Variants in RALYL observed in about 807,000 individuals in gnomAD.
The protein encoded by RALYL is RALY RNA binding protein like, also known as RNA-binding Raly-like protein.
A neutral mutation model predicts 35.1 loss-of-function variants in RALYL; 29 were observed. The ratio of observed to expected loss-of-function variants is 0.83; its 90% CI spans 0.61 to 1.13. RALYL has a LOEUF of 1.13. Ranked by LOEUF, RALYL falls within the 50% of genes most tolerant of loss-of-function variation. The pLI, the probability that RALYL is intolerant of heterozygous loss-of-function variation, is 0.00. For missense variants in RALYL, 359 were observed against 360.4 expected (o/e 1.00, Z 0.03); for synonymous variants, 120 against 127.6 (o/e 0.94, Z 0.40).
At chr8:84,907,405 GA>G (rs1563846465) in intron 8 of RALYL, among the ~76,000 whole-genome samples, 1 of 151,564 alleles carries the variant, frequency 6.6e-6, no homozygotes, top group African/African-American at 2.4e-5. Context: ...GAAACGGAAA[GA>G]AAACAATACT....
chr8:84,877,116 G>C (rs1223673507), intron 7 of RALYL, among the ~76,000 whole-genome samples: 3 of 152,056 alleles, frequency 2.0e-5, no homozygotes, highest in Non-Finnish European at 4.4e-5. Flanking sequence ...GCTTTCACTT[G>C]GTTCAGTTAT....
chr8:84,705,773 A>C (rs922674193), intron 2 of RALYL, among the ~76,000 whole-genome samples: 3 of 152,162 alleles, frequency 2.0e-5, no homozygotes, highest in Non-Finnish European at 4.4e-5. Flanking sequence ...AGAGAACTTA[A>C]CTGCTATAGG....
intron 1 of RALYL, among the ~76,000 whole-genome samples, chr8:84,425,365 C>T (rs1262757030): frequency 3.3e-5 from 5 of 152,288 alleles, no homozygotes; most frequent in African/African-American, 1.2e-4. Flanking sequence ...CTCCCTGACC[C>T]CTTGCGCTTC....
chr8:84,321,607 C>T (rs755957629), intron 1 of RALYL, among the ~76,000 whole-genome samples: 16 of 152,152 alleles, frequency 1.1e-4, no homozygotes, highest in East Asian at 5.8e-4. Context: ...ATTTCCCCCA[C>T]GACAGCCCAC....
intron 8 of RALYL, among the ~76,000 whole-genome samples, chr8:84,888,826 T>C (rs1843341791): frequency 1.3e-5 from 2 of 152,290 alleles, no homozygotes; most frequent in East Asian, 3.9e-4. Flanking sequence ...CTCAGCTCAC[T>C]GCAACCTCCG....
rs573438304 is a variant in RALYL, at chr8:84,651,987, A to G, written c.256+122410A>G. Among the ~76,000 whole-genome samples the G allele has an allele frequency of 5.9e-5, 9 of 152,208 alleles. No homozygotes were observed. In the South Asian group the frequency reaches 6.2e-4, roughly 11 times the overall value. On this transcript the variant is annotated intron_variant, in intron 2 of 8. Coordinates refer to ENST00000521268, the MANE Select transcript of RALYL (RefSeq NM_173848.7). Reference sequence around the variant, plus strand: ...AGTAAAGATCTTAGAATCTTTTGCCAGAATCCTCACATTTTTATTTGACAT... The same window carrying G: ...AGTAAAGATCTTAGAATCTTTTGCCGGAATCCTCACATTTTTATTTGACAT...
chr8:84,529,237 C>G lies in RALYL; in HGVS notation c.-23-62C>G, dbSNP rs1032330190. 13 of 1,510,042 alleles carry G rather than the reference C, an allele frequency of 8.6e-6. No individual in the cohort carries two copies. In the African/African-American group the frequency reaches 1.8e-4, roughly 21 times the overall value. 93.5% of individuals were successfully genotyped at this position (1,510,042 alleles called of 1,614,324 possible). The stretch of plus-strand genomic sequence containing the variant: ...AAAACTGTTAAAAAGCCACTGATAC[C>G]CATTCGATCTAATGATTTACCTTTT... On this transcript the variant is annotated intron_variant, in intron 1 of 8. Transcript: ENST00000521268.
At chr8:84,583,318 A>T (rs1259671475) in intron 2 of RALYL, among the ~76,000 whole-genome samples, 8 of 152,128 alleles carry the variant, frequency 5.3e-5, no homozygotes, top group Non-Finnish European at 4.4e-5. Context: ...AAAATTAATG[A>T]GTGAGATCTG....
In RALYL at chr8:84,862,318, G is replaced by A. The variant is rs775102549; in HGVS notation, c.436G>A (p.Val146Met). ...AAGGTTATTTGATTACCACGGGCGTGTGCCTCCACCTCCCCGTGCAGTAAT... is the reference window on the plus strand; with the variant it reads ...AAGGTTATTTGATTACCACGGGCGTATGCCTCCACCTCCCCGTGCAGTAAT... ...YNRLFDYHGR[V>M]PPPPRAVIPL... Residue 146 changes from valine to methionine, a missense_variant, in exon 6 of 9, where the codon GTG becomes ATG. Coordinates refer to ENST00000521268, the MANE Select transcript of RALYL (RefSeq NM_173848.7). The A allele has an allele frequency of 4.4e-6, 7 of 1,589,868 alleles. No homozygotes were observed. The Admixed American group carries it at 1.1e-4, about 24-fold the overall frequency.
chr8:84,186,487 G>C (rs1812555694), intron 1 of RALYL, among the ~76,000 whole-genome samples: 1 of 152,176 alleles, frequency 6.6e-6, no homozygotes, highest in South Asian at 2.1e-4. Flanking sequence ...TCTTTTAAGA[G>C]AGAGAGAGAC....
At chr8:84,296,812 A>C (rs1839844706) in intron 1 of RALYL, among the ~76,000 whole-genome samples, 1 of 151,932 alleles carries the variant, frequency 6.6e-6, no homozygotes, top group South Asian at 2.1e-4. Context: ...TGCATACACT[A>C]CTTCACAAGT....
chr8:84,206,057 A>C (rs988005682), intron 1 of RALYL, among the ~76,000 whole-genome samples: 3 of 151,940 alleles, frequency 2.0e-5, no homozygotes, highest in African/African-American at 7.3e-5. Context: ...CACCCATAAG[A>C]CCTCATTTTA....
At chr8:84,420,225 A>C (rs1403892385) in intron 1 of RALYL, among the ~76,000 whole-genome samples, 1 of 151,964 alleles carries the variant, frequency 6.6e-6, no homozygotes, top group Non-Finnish European at 1.5e-5. Context: ...CTGACTTTTT[A>C]ATGATTGCCA....
chr8:84,309,784 GTGTT>G (rs945668442), intron 1 of RALYL, among the ~76,000 whole-genome samples: 9 of 152,204 alleles, frequency 5.9e-5, no homozygotes, highest in African/African-American at 4.8e-5. Context: ...AGCTAAGTGG[GTGTT>G]TGTTTGTTTT....
At chr8:84,902,755 G>A (rs1295263220) in intron 8 of RALYL, among the ~76,000 whole-genome samples, 1 of 152,142 alleles carries the variant, frequency 6.6e-6, no homozygotes, top group Non-Finnish European at 1.5e-5. Flanking sequence ...GAGTCTCTGA[G>A]GCTCACTTCC....
chr8:84,785,149 G>A (rs1819095578), intron 3 of RALYL, among the ~76,000 whole-genome samples: 1 of 152,050 alleles, frequency 6.6e-6, no homozygotes, highest in South Asian at 2.1e-4. Flanking sequence ...TTTAACTTTT[G>A]TTTTAGATGT....
intron 2 of RALYL, among the ~76,000 whole-genome samples, chr8:84,655,055 C>G (rs6473556): frequency 0.02 from 3,095 of 152,166 alleles, 102 homozygotes; most frequent in African/African-American, 0.071. Flanking sequence ...TATATTCTCA[C>G]CAACAGTGCA....
At chr8:84,239,575 A>G (rs1180206188) in intron 1 of RALYL, among the ~76,000 whole-genome samples, 1 of 152,132 alleles carries the variant, frequency 6.6e-6, no homozygotes, top group South Asian at 2.1e-4. Context: ...CTCAGATAGT[A>G]GCTGCCAGGG....
chr8:84,494,386 G>A (rs1351911829), intron 1 of RALYL, among the ~76,000 whole-genome samples: 1 of 151,854 alleles, frequency 6.6e-6, no homozygotes. Context: ...TTGCTATGTG[G>A]GCTTTTTGGG....
Sources: gnomAD v4.1 joint callset for allele counts (sites outside exome capture counted in the v4.1 genomes callset) on GRCh38, gnomAD v4.1.1 for gene constraint, MANE v1.5 for transcripts, NCBI Gene and HGNC (gene_info 2026-07-23, HGNC 2026-07-21) for gene names.